Variants in MAP4K5 observed in about 807,000 individuals in gnomAD.
MAP4K5 encodes the protein MAPK/ERK kinase kinase kinase 5.
In MAP4K5, 82 loss-of-function variants were observed where a neutral mutation model predicts 135.6. That is an observed-to-expected ratio of 0.60 (90% CI 0.51 to 0.73). The LOEUF (loss-of-function observed/expected upper bound fraction) is 0.73, where lower values mean the gene tolerates loss of function less well. MAP4K5 is among the 30% of genes least tolerant of loss of function. MAP4K5 has a pLI of 0.00. For missense variants in MAP4K5, 907 were observed against 1,010.9 expected (o/e 0.90, Z 1.39); for synonymous variants, 347 against 335.0 (o/e 1.04, Z -0.39).
chr14:50,531,919 AAAGC>A lies in MAP4K5; in HGVS notation c.108+19_108+22del. On this transcript the variant is annotated intron_variant, in intron 2 of 32. Coordinates refer to ENST00000682126, the MANE Select transcript of MAP4K5 (RefSeq NM_006575.6). ...CCGGGACCCAGTCGACCGCAGGAAA[AAAGC>A]ACGGCCAGCCTCACTTACCTTATAG... 2 of 1,535,472 alleles carry A rather than the reference AAAGC, an allele frequency of 1.3e-6. No homozygotes were observed. Among genetic ancestry groups the A allele is most frequent in the Non-Finnish European group, 1.8e-6 (2 of 1,124,064 alleles).
intron 26 of MAP4K5, among the ~76,000 whole-genome samples, chr14:50,436,300 G>T (rs1303702719): frequency 1.3e-5 from 2 of 152,136 alleles, no homozygotes; most frequent in African/African-American, 4.8e-5. Flanking sequence ...CTGCTTCTGG[G>T]AGGTAATTGC....
intron 28 of MAP4K5, among the ~76,000 whole-genome samples, chr14:50,430,133 C>CAT (rs201683113): frequency 5.7e-4 from 87 of 151,536 alleles, no homozygotes; most frequent in South Asian, 1.3e-3. Context: ...CACACACACA[C>CAT]ATATATATAT....
At chr14:50,501,686 A>G (rs1433928581) in intron 3 of MAP4K5, among the ~76,000 whole-genome samples, 1 of 152,172 alleles carries the variant, frequency 6.6e-6, no homozygotes, top group African/African-American at 2.4e-5. Context: ...GGTTGGCAAT[A>G]TCAATGTCAG....
chr14:50,457,257 A>C (rs1366024022), intron 13 of MAP4K5, among the ~76,000 whole-genome samples: 3 of 152,094 alleles, frequency 2.0e-5, no homozygotes, highest in Admixed American at 2.0e-4. Context: ...TGGCAAAAGG[A>C]ATTTTTTGGA....
At chr14:50,488,328 T>C (rs1026563285) in intron 3 of MAP4K5, among the ~76,000 whole-genome samples, 5 of 152,174 alleles carry the variant, frequency 3.3e-5, no homozygotes, top group African/African-American at 1.2e-4. Flanking sequence ...GCCTCTCCTT[T>C]GATGCCTGAG....
At chr14:50,503,901 TTG>T (rs950046098) in intron 3 of MAP4K5, among the ~76,000 whole-genome samples, 2 of 152,028 alleles carry the variant, frequency 1.3e-5, no homozygotes, top group African/African-American at 4.8e-5. Flanking sequence ...TATTCCCTAT[TTG>T]TGTTAGTGAC....
chr14:50,526,293 T>C (rs1313158539), intron 2 of MAP4K5, among the ~76,000 whole-genome samples: 1 of 152,182 alleles, frequency 6.6e-6, no homozygotes, highest in Non-Finnish European at 1.5e-5. Flanking sequence ...ACTGCTTACA[T>C]GTCTGCTTTC....
intron 28 of MAP4K5, 29 bp from the exon 29 acceptor site, chr14:50,429,289 T>C (rs746107084): frequency 6.4e-6 from 9 of 1,401,306 alleles, no homozygotes; most frequent in African/African-American, 1.4e-5. Flanking sequence ...AGGTTACAAT[T>C]ATACTTTTAA....
Position 50,443,985 on chromosome 14 carries a change from G to A in MAP4K5, c.1391C>T (p.Ala464Val), listed in dbSNP as rs1189330290. 6.2e-7 allele frequency: 1 copy of A among 1,608,948 alleles called. No individual in the cohort carries two copies. Among genetic ancestry groups the A allele is most frequent in the South Asian group, 1.1e-5 (1 of 89,958 alleles). The change falls in exon 19 of 33, where the codon GCA becomes GTA. Residue 464 changes from alanine to valine, a missense_variant. Transcript: ENST00000682126. ...KLMSENTEGS[A>V]QAPQLPRKKD... is the part of the protein sequence containing the mutation. ...TTTTCGTGGTAACTGTGGTGCTTGT[G>A]CTGATCCTTCTGTATTTTCACTCAT...
intron 9 of MAP4K5, among the ~76,000 whole-genome samples, chr14:50,470,570 T>C (rs1339839802): frequency 6.6e-6 from 1 of 151,938 alleles, no homozygotes; most frequent in African/African-American, 2.4e-5. Context: ...CAATTTGGAA[T>C]ATATGAAAAA....
chr14:50,502,564 T>C (rs1294919188), intron 3 of MAP4K5, among the ~76,000 whole-genome samples: 1 of 152,088 alleles, frequency 6.6e-6, no homozygotes, highest in African/African-American at 2.4e-5. Flanking sequence ...ATGCCAAATA[T>C]CCTACATTAA....
At chr14:50,451,265 A>G (rs905306873) in intron 14 of MAP4K5, among the ~76,000 whole-genome samples, 1 of 152,152 alleles carries the variant, frequency 6.6e-6, no homozygotes, top group Non-Finnish European at 1.5e-5. Flanking sequence ...GAAGAAAAAA[A>G]AAAACTTACG....
chr14:50,424,319 C>A (rs1227850233), intron 31 of MAP4K5, among the ~76,000 whole-genome samples: 1 of 152,046 alleles, frequency 6.6e-6, no homozygotes, highest in African/African-American at 2.4e-5. Flanking sequence ...ATCATTGTGC[C>A]TGGAATGACT....
intron 3 of MAP4K5, among the ~76,000 whole-genome samples, chr14:50,498,311 A>G (rs1426941609): frequency 2.0e-5 from 3 of 152,352 alleles, no homozygotes; most frequent in Admixed American, 6.5e-5. Flanking sequence ...GTCAAACTCT[A>G]TTTAATGTTA....
At chr14:50,504,752 G>T (rs1416222627) in intron 3 of MAP4K5, 48 bp downstream of exon 3, 2 of 1,314,184 alleles carry the variant, frequency 1.5e-6, no homozygotes, top group Non-Finnish European at 2.1e-6. Context: ...AACAAGGAAA[G>T]AAATATGGAA....
rs200944944 is a variant in MAP4K5, at chr14:50,468,666, T to C, written c.659A>G (p.Asp220Gly). 21 of 1,613,348 alleles carry C rather than the reference T, an allele frequency of 1.3e-5. No individual in the cohort carries two copies. Among genetic ancestry groups the C allele is most frequent in the Non-Finnish European group, 1.7e-5 (20 of 1,179,494 alleles). ...ATGAGAACACCTCATTGGGTGGAGA[T>C]CAAACATAGGTGGCTGAAGTTCTCC... Reference protein sequence around the residue: ...ELGELQPPMFDLHPMRALFLM... With the variant: ...ELGELQPPMFGLHPMRALFLM... The change falls in exon 10 of 33, where the codon GAT becomes GGT. Residue 220 changes from aspartate (D) to glycine (G), a missense_variant. This residue lies in a region of MAP4K5 where 690 missense variants were observed against 777.4 expected (regional missense o/e 0.89). Coordinates refer to ENST00000682126, the MANE Select transcript of MAP4K5 (RefSeq NM_006575.6).
At chr14:50,428,791 A>C in intron 29 of MAP4K5, 37 bp from the exon 30 acceptor site, 1 of 929,740 alleles carries the variant, frequency 1.1e-6, no homozygotes, top group Non-Finnish European at 1.6e-6. Context: ...TGGACATGCA[A>C]ATCTGCTAAA....
intron 2 of MAP4K5, among the ~76,000 whole-genome samples, chr14:50,513,629 C>G (rs1428520183): frequency 2.0e-5 from 3 of 151,074 alleles, no homozygotes. Flanking sequence ...CATCTAAAAG[C>G]TATGGCAACC....
chr14:50,496,740 G>A (rs2037603023), intron 3 of MAP4K5, among the ~76,000 whole-genome samples: 2 of 151,618 alleles, frequency 1.3e-5, no homozygotes, highest in African/African-American at 4.8e-5. Context: ...GAACTCCTGG[G>A]CTCAAAAGAT....
Sources: gnomAD v4.1 joint callset for allele counts (sites outside exome capture counted in the v4.1 genomes callset) on GRCh38, gnomAD v4.1.1 for gene constraint, gnomAD v4.1.1 regional missense constraint, MANE v1.5 for transcripts, NCBI Gene and HGNC (gene_info 2026-07-23, HGNC 2026-07-21) for gene names.